KLHL2: variants seen among roughly 807,000 people sequenced by gnomAD.
The protein encoded by KLHL2 is kelch like family member 2.
Under a neutral mutation model 75.8 loss-of-function variants are expected in KLHL2, and 15 were observed. The ratio of observed to expected loss-of-function variants is 0.20; its 90% CI spans 0.13 to 0.30. The LOEUF is 0.30. Ranked by LOEUF, KLHL2 falls within the 10% of genes least tolerant of loss-of-function variation. The probability of loss-of-function intolerance (pLI) is 1.00; values close to 1 mark genes in which losing one functional copy is unlikely to be tolerated. For missense variants in KLHL2, 381 were observed against 741.0 expected (o/e 0.51, Z 5.64); for synonymous variants, 214 against 251.9 (o/e 0.85, Z 1.42).
chr4:165,247,502 A>G (rs2111147237), intron 4 of KLHL2, among the ~76,000 whole-genome samples: 1 of 152,290 alleles, frequency 6.6e-6, no homozygotes, highest in Admixed American at 6.5e-5. Flanking sequence ...AGAAAAGCGA[A>G]AGTTGATGTG....
chr4:165,278,231 C>T, intron 5 of KLHL2: 2 of 1,148,914 alleles, frequency 1.7e-6, no homozygotes, highest in Non-Finnish European at 2.6e-6. Flanking sequence ...TTCAAGACTC[C>T]ATACGTCGAC....
At chr4:165,253,040 T>G (rs1313953102) in intron 4 of KLHL2, among the ~76,000 whole-genome samples, 1 of 152,224 alleles carries the variant, frequency 6.6e-6, no homozygotes, top group Non-Finnish European at 1.5e-5. Context: ...TTTTTATTTT[T>G]TATTTTTTTG....
intron 13 of KLHL2, among the ~76,000 whole-genome samples, chr4:165,316,794 A>G (rs1385138059): frequency 6.6e-6 from 1 of 152,170 alleles, no homozygotes; most frequent in Non-Finnish European, 1.5e-5. Context: ...ATACATAAAA[A>G]TTACATTTAT....
chr4:165,307,523 T>C (rs1745828811), intron 9 of KLHL2, among the ~76,000 whole-genome samples: 1 of 152,200 alleles, frequency 6.6e-6, no homozygotes, highest in South Asian at 2.1e-4. Context: ...CCATTGATTC[T>C]CTTATGCTGT....
In KLHL2 at chr4:165,207,955, G is replaced by C. The variant is rs1182707575; in HGVS notation, c.26+53G>C. 37 of 1,272,110 alleles carry C rather than the reference G, an allele frequency of 2.9e-5. No individual in the cohort carries two copies. The highest frequency in any genetic ancestry group is 3.5e-5 in the East Asian group (1 of 28,566). 78.8% of individuals were successfully genotyped at this position (1,272,110 alleles called of 1,614,324 possible). ...CGCTGCGGATAAGCGCGCCGCTGCG[G>C]CGCGTGTCGCCGGCCGCGGGCGCAG... On this transcript the variant is annotated intron_variant, in intron 1 of 14. Coordinates refer to ENST00000226725, the MANE Select transcript of KLHL2 (RefSeq NM_007246.4). The surrounding 1 kb of genome is among the most constrained non-coding windows in gnomAD (Gnocchi z 4.2).
chr4:165,310,309 A>T (rs1053856269), intron 9 of KLHL2, among the ~76,000 whole-genome samples: 1 of 152,250 alleles, frequency 6.6e-6, no homozygotes, highest in Non-Finnish European at 1.5e-5. Flanking sequence ...TGGGCGACAG[A>T]GTGAGACTCC....
At chr4:165,236,524 A>C (rs1406016957) in intron 3 of KLHL2, among the ~76,000 whole-genome samples, 1 of 152,190 alleles carries the variant, frequency 6.6e-6, no homozygotes, top group African/African-American at 2.4e-5. Context: ...ACTCTCATTC[A>C]TAGTTTTTAA....
intron 5 of KLHL2, chr4:165,278,955 G>A: frequency 6.8e-7 from 1 of 1,480,074 alleles, no homozygotes; most frequent in Middle Eastern, 1.7e-4. Flanking sequence ...CGAACATGTG[G>A]AAGAATTTCC....
chr4:165,237,940 C>G (rs1367152114), intron 3 of KLHL2, among the ~76,000 whole-genome samples: 1 of 152,140 alleles, frequency 6.6e-6, no homozygotes, highest in East Asian at 1.9e-4. Flanking sequence ...CTCCTACTCT[C>G]CCCAAGTCTC....
At position 165,321,990 on chromosome 4, in the gene KLHL2, C is replaced by A. The variant is rs1747019046; in HGVS notation, c.1754-42C>A. On this transcript the variant is annotated intron_variant, in intron 14 of 14. Transcript: ENST00000226725. ...AGTGTTTTCTCAGAGATACAGAGTGCTGCCTGTGACTTCTTTTTTCTCTCT... is the reference window on the plus strand; with the variant it reads ...AGTGTTTTCTCAGAGATACAGAGTGATGCCTGTGACTTCTTTTTTCTCTCT... 5.0e-6 allele frequency: 8 copies of A among 1,593,772 alleles called. No individual in the cohort carries two copies. The South Asian group carries it at 7.7e-5, about 15-fold the overall frequency.
chr4:165,279,354 C>T (rs530829739), intron 5 of KLHL2: 118 of 1,580,296 alleles, frequency 7.5e-5, no homozygotes, highest in South Asian at 7.4e-4. Flanking sequence ...TCCCAGACTA[C>T]GGTGGTTTCC....
At chr4:165,271,191 G>C (rs1284940657) in intron 5 of KLHL2, among the ~76,000 whole-genome samples, 1 of 151,924 alleles carries the variant, frequency 6.6e-6, no homozygotes, top group African/African-American at 2.4e-5. Context: ...TCTGTGAAGA[G>C]TGATGGCATT....
At chr4:165,273,666 C>T (rs1032284472) in intron 5 of KLHL2, among the ~76,000 whole-genome samples, 28 of 152,340 alleles carry the variant, frequency 1.8e-4, no homozygotes, top group African/African-American at 6.3e-4. Flanking sequence ...ACTTGCTCCT[C>T]CTTGCCTTCC....
At chr4:165,253,094 C>T (rs1047906217) in intron 4 of KLHL2, among the ~76,000 whole-genome samples, 4 of 152,078 alleles carry the variant, frequency 2.6e-5, no homozygotes, top group South Asian at 4.2e-4. Context: ...TGCAGTGGTG[C>T]GATCTCGGCT....
intron 6 of KLHL2, 127 bp from the exon 7 acceptor site, chr4:165,297,482 C>T (rs1745004662): frequency 1.6e-6 from 1 of 632,912 alleles, no homozygotes; most frequent in Non-Finnish European, 2.9e-6. Flanking sequence ...TTTGAAAACA[C>T]TTGAGCTGTG....
chr4:165,286,355 G>T (rs541017224), intron 5 of KLHL2, among the ~76,000 whole-genome samples: 9 of 152,292 alleles, frequency 5.9e-5, no homozygotes, highest in East Asian at 1.9e-4. Flanking sequence ...TTGGGGTTTG[G>T]GGGGAGAGGT....
chr4:165,309,803 A>G (rs1187642802), intron 9 of KLHL2, among the ~76,000 whole-genome samples: 1 of 152,154 alleles, frequency 6.6e-6, no homozygotes, highest in Non-Finnish European at 1.5e-5. Flanking sequence ...AAATTTGCCG[A>G]CCCCTGATTT....
chr4:165,281,799 G>A (rs1743712879), intron 5 of KLHL2, among the ~76,000 whole-genome samples: 1 of 152,120 alleles, frequency 6.6e-6, no homozygotes, highest in Non-Finnish European at 1.5e-5. Flanking sequence ...GGATTCATAT[G>A]TATATTATAT....
intron 5 of KLHL2, among the ~76,000 whole-genome samples, chr4:165,286,143 A>C (rs1193424156): frequency 1.3e-5 from 2 of 152,210 alleles, no homozygotes; most frequent in Non-Finnish European, 2.9e-5. Flanking sequence ...GGAAAAATGC[A>C]CAATGATGAA....
Sources: allele counts gnomAD v4.1 joint callset (sites outside exome capture counted in the v4.1 genomes callset), GRCh38; gene constraint gnomAD v4.1.1; non-coding constraint Gnocchi (gnomAD v3.1); transcripts MANE v1.5; gene names NCBI Gene and HGNC (gene_info 2026-07-23, HGNC 2026-07-21).